The following ABCD3 variants were observed in gnomAD, a reference collection of about 807,000 sequenced individuals.
ABCD3 encodes ATP binding cassette subfamily D member 3, also known as ATP-binding cassette sub-family D member 3.
ABCD3 carries 41 observed loss-of-function variants against 105.5 expected under a neutral mutation model. The observed-to-expected ratio is 0.39, with a 90% CI of 0.30 to 0.50. The LOEUF (loss-of-function observed/expected upper bound fraction) is 0.50, where lower values mean the gene tolerates loss of function less well. Ranked by LOEUF, ABCD3 falls within the 20% of genes least tolerant of loss-of-function variation. The probability of loss-of-function intolerance (pLI) is 0.84; values close to 1 mark genes in which losing one functional copy is unlikely to be tolerated. For missense variants in ABCD3, 622 were observed against 806.3 expected, an observed-to-expected ratio of 0.77 and a Z score of 2.77; for synonymous variants, 258 against 269.0, an observed-to-expected ratio of 0.96 and a Z score of 0.40.
At chr1:94,510,515 G>T (rs1247850493) in intron 21 of ABCD3, among the ~76,000 whole-genome samples, 1 of 152,118 alleles carries the variant, frequency 6.6e-6, no homozygotes, top group Non-Finnish European at 1.5e-5. Flanking sequence ...TCTGCTTGGT[G>T]CAGAGCTGAG....
At chr1:94,500,597 A>T (rs1358621408) in intron 20 of ABCD3, among the ~76,000 whole-genome samples, 2 of 152,172 alleles carry the variant, frequency 1.3e-5, no homozygotes, top group African/African-American at 2.4e-5. Context: ...GAGTATGGAG[A>T]TTAGAGAAAA....
chr1:94,410,793 T>A, the ABCD3 span, among the ~76,000 whole-genome samples: 1 of 152,212 alleles, frequency 6.6e-6, no homozygotes. Context: ...CCTAGAGATG[T>A]ATGAGACCCC....
intron 4 of ABCD3, among the ~76,000 whole-genome samples, chr1:94,471,499 CAAAAA>C (rs76947633): frequency 1.3e-5 from 1 of 78,086 alleles, no homozygotes. Context: ...TCCTGTCTCA[CAAAAA>C]AAAAAAAAAA....
chr1:94,511,370 C>G (rs1271273886), intron 21 of ABCD3, among the ~76,000 whole-genome samples: 1 of 152,146 alleles, frequency 6.6e-6, no homozygotes, highest in Non-Finnish European at 1.5e-5. Context: ...CGCTGTTAGT[C>G]TAATCGGCTT....
At chr1:94,428,106 A>G (rs1570733860) in intron 1 of ABCD3, among the ~76,000 whole-genome samples, 7 of 151,342 alleles carry the variant, frequency 4.6e-5, no homozygotes, top group African/African-American at 1.7e-4. Context: ...TTTTTGCCAC[A>G]AGATTGAGAA....
intron 16 of ABCD3, among the ~76,000 whole-genome samples, chr1:94,496,452 TGTGTG>T (rs1649803859): frequency 7.3e-5 from 1 of 13,656 alleles, no homozygotes; most frequent in Non-Finnish European, 3.5e-4. Context: ...GCCATTTCAT[TGTGTG>T]TGTGTGTGTG....
chr1:94,388,358 G>A, the ABCD3 span, among the ~76,000 whole-genome samples: 2 of 150,986 alleles, frequency 1.3e-5, no homozygotes, highest in Non-Finnish European at 2.9e-5. Context: ...AATGATTGAT[G>A]CAGAGCATTC....
intron 1 of ABCD3, among the ~76,000 whole-genome samples, chr1:94,442,193 T>A (rs1241584887): frequency 1.3e-5 from 2 of 152,220 alleles, no homozygotes; most frequent in Non-Finnish European, 2.9e-5. Context: ...AGATTTTCAG[T>A]ATGTTTGCAA....
In ABCD3 at chr1:94,418,597, GC is replaced by G; in HGVS notation, c.110+12del. The G allele has an allele frequency of 1.3e-6, 2 of 1,587,196 alleles. No individual in the cohort carries two copies. Among genetic ancestry groups the G allele is most frequent in the Non-Finnish European group, 8.5e-7 (1 of 1,172,818 alleles). On this transcript the variant is annotated intron_variant, in intron 1 of 22. Transcript: ENST00000370214. Reference sequence around the variant, plus strand: ...GCCCTCGGCCTGCACGGGTAAGAAGGCCCGTAGCCGTGCAGCTTTCCCGGGC... The same window carrying G: ...GCCCTCGGCCTGCACGGGTAAGAAGGCCGTAGCCGTGCAGCTTTCCCGGGC...
At position 94,467,928 on chromosome 1, in the gene ABCD3, T is replaced by G; in HGVS notation, c.256T>G (p.Leu86Val). ...ACCTGGTTTATTTTAGACAGGTTAC[T>G]TGGTACTTATTGCTGTTATGCTGGT... ...PRTFCKETGY[L>V]VLIAVMLVSR... Residue 86 changes from leucine (L) to valine (V), a missense_variant, in exon 4 of 23, where the codon TTG becomes GTG. Transcript: ENST00000370214. 1 of 1,611,952 alleles carries G rather than the reference T, an allele frequency of 6.2e-7. No homozygotes were observed. Among genetic ancestry groups the G allele is most frequent in the Non-Finnish European group, 8.5e-7 (1 of 1,178,260 alleles).
intron 21 of ABCD3, chr1:94,514,863 A>G (rs1454901461): frequency 2.7e-6 from 1 of 372,802 alleles, no homozygotes; most frequent in Non-Finnish European, 4.9e-6. Context: ...TTCCTCTCAT[A>G]TATTTTTCAC....
At chr1:94,480,337 A>C in intron 8 of ABCD3, 127 bp from the exon 9 acceptor site, 1 of 1,187,094 alleles carries the variant, frequency 8.4e-7, no homozygotes, top group Non-Finnish European at 1.2e-6. Flanking sequence ...AAAGGGAAAA[A>C]ATTACCCAGT....
At chr1:94,450,336 A>G (rs1660530994) in intron 1 of ABCD3, among the ~76,000 whole-genome samples, 1 of 152,230 alleles carries the variant, frequency 6.6e-6, no homozygotes, top group Admixed American at 6.5e-5. Flanking sequence ...TCTGGCCATA[A>G]ACTGGCCCCA....
chr1:94,503,567 G>T (rs967016808), intron 20 of ABCD3, among the ~76,000 whole-genome samples: 2 of 151,874 alleles, frequency 1.3e-5, no homozygotes, highest in Non-Finnish European at 2.9e-5. Flanking sequence ...CATTTTTCAG[G>T]TCTCTTTGAT....
In ABCD3 at chr1:94,418,396, T is replaced by TC; in HGVS notation, c.-78dup. 1.6e-6 allele frequency: 2 copies of TC among 1,235,570 alleles called. No homozygotes were observed. The highest frequency in any genetic ancestry group is 2.3e-6 in the Non-Finnish European group (2 of 876,368). 76.5% of individuals were successfully genotyped at this position (1,235,570 alleles called of 1,614,324 possible). A position where few individuals can be genotyped will look rare whatever the true frequency, so the allele number is the denominator to read the frequency against. ...CCCGCCCTCTGCTCTCCTCCCAGTC[T>TC]CCCCCGCGCTGCGTGCAGTAAGGTA... is the stretch of plus-strand genomic sequence containing the variant. On this transcript the variant is annotated 5_prime_UTR_variant, in exon 1 of 23. Coordinates refer to ENST00000370214, the MANE Select transcript of ABCD3 (RefSeq NM_002858.4).
At chr1:94,488,302 A>G (rs560717642) in intron 13 of ABCD3, among the ~76,000 whole-genome samples, 1 of 152,212 alleles carries the variant, frequency 6.6e-6, no homozygotes, top group Non-Finnish European at 1.5e-5. Context: ...TTTCTCATTT[A>G]AATTTTCTTG....
At position 94,499,000 on chromosome 1, in the gene ABCD3, G is replaced by A. The variant is rs755685193; in HGVS notation, c.1586G>A (p.Arg529Gln). Residue 529 changes from arginine (R) to glutamine (Q), a missense_variant, in exon 19 of 23, where the codon CGA (arginine) becomes CAA (glutamine). Coordinates refer to ENST00000370214, the MANE Select transcript of ABCD3 (RefSeq NM_002858.4). ...GATCAAGTGATATATCCAGATGGAC[G>A]AGAAGATCAGAAAAGGAAGGGAATT... is the stretch of plus-strand genomic sequence containing the variant. ...LRDQVIYPDG[R>Q]EDQKRKGISD... 12 of 1,613,780 alleles carry A rather than the reference G, an allele frequency of 7.4e-6. No homozygotes were observed. The highest frequency in any genetic ancestry group is 1.7e-5 in the Admixed American group (1 of 59,976).
chr1:94,491,498 T>A (rs1215880513), intron 16 of ABCD3, among the ~76,000 whole-genome samples: 1 of 152,140 alleles, frequency 6.6e-6, no homozygotes, highest in East Asian at 1.9e-4. Flanking sequence ...ATAGAAAATA[T>A]AGTAAATTGG....
At position 94,469,731 on chromosome 1, in the gene ABCD3, T is replaced by G. The variant is rs1648359234; in HGVS notation, c.335+1724T>G. 2.1e-5 allele frequency among the ~76,000 whole-genome samples: 3 copies of G among 143,578 alleles called. No individual in the cohort carries two copies. In the Admixed American group the frequency reaches 2.2e-4, roughly 11 times the overall value. 94.2% of individuals were successfully genotyped at this position (143,578 alleles called of 152,430 possible). A position where few individuals can be genotyped will look rare whatever the true frequency, so the allele number is the denominator to read the frequency against. On this transcript the variant is annotated intron_variant, in intron 4 of 22. Coordinates refer to ENST00000370214, the MANE Select transcript of ABCD3 (RefSeq NM_002858.4). The stretch of plus-strand genomic sequence containing the variant: ...CCCAGGCTGGAGTGCAGCGGCGCGA[T>G]CTCAGCTCACTGCAACCTCTGCCTC...
Sources: gnomAD v4.1 joint callset for allele counts (sites outside exome capture counted in the v4.1 genomes callset) on GRCh38, gnomAD v4.1.1 for gene constraint, MANE v1.5 for transcripts, NCBI Gene and HGNC (gene_info 2026-07-23, HGNC 2026-07-21) for gene names.